Variants in PTPRD observed in about 807,000 individuals in gnomAD.
PTPRD encodes receptor-type tyrosine-protein phosphatase delta.
A neutral mutation model predicts 214.5 loss-of-function variants in PTPRD; 34 were observed. That is an observed-to-expected ratio of 0.16 (90% CI 0.12 to 0.21). The LOEUF (loss-of-function observed/expected upper bound fraction) is 0.21. PTPRD is among the 10% of genes least tolerant of loss of function. PTPRD has a pLI of 1.00. For synonymous variants in PTPRD, 1,128 were observed against 845.7 expected (o/e 1.33, Z -5.79); for missense variants, 2,545 against 2,398.7 (o/e 1.06, Z -1.27).
intron 2 of PTPRD, among the ~76,000 whole-genome samples, chr9:10,347,756 C>A (rs1472522403): frequency 6.6e-6 from 1 of 151,748 alleles, no homozygotes; most frequent in East Asian, 2.0e-4. Flanking sequence ...TATTTGCTAG[C>A]TATTTTGAAA....
At chr9:9,092,737 T>C (rs554239371) in intron 10 of PTPRD, among the ~76,000 whole-genome samples, 64 of 152,164 alleles carry the variant, frequency 4.2e-4, no homozygotes, top group African/African-American at 1.3e-3. Flanking sequence ...AAACATCTAT[T>C]GTGTTCATGT....
chr9:9,555,424 CCCTG>C (rs1488943276), intron 8 of PTPRD, among the ~76,000 whole-genome samples: 2 of 151,966 alleles, frequency 1.3e-5, no homozygotes, highest in African/African-American at 4.8e-5. Flanking sequence ...GTATAAATAA[CCCTG>C]TAGAGTGATT....
At chr9:10,432,339 T>C (rs2098688141) in intron 2 of PTPRD, among the ~76,000 whole-genome samples, 1 of 148,724 alleles carries the variant, frequency 6.7e-6, no homozygotes, top group South Asian at 2.2e-4. Flanking sequence ...TAATGCTAGA[T>C]GACGATTTAG....
rs537378851 is a variant in PTPRD, at chr9:9,478,156, G to C, written c.-236-80674C>G. On this transcript the variant is annotated intron_variant, in intron 8 of 45. Transcript: ENST00000381196. ...GGCCTTGTTACAGTTTTAGCAATAA[G>C]TAAACTGCCCTGTTAATAACTTGAA... Among the ~76,000 whole-genome samples, 5 of 152,198 alleles carry C rather than the reference G, an allele frequency of 3.3e-5. No homozygotes were observed. The South Asian group carries it at 1.0e-3, about 32-fold the overall frequency.
intron 3 of PTPRD, among the ~76,000 whole-genome samples, chr9:10,165,158 A>G (rs2099151574): frequency 6.6e-6 from 1 of 151,732 alleles, no homozygotes; most frequent in South Asian, 2.1e-4. Context: ...CCTAACCTAT[A>G]GGCTTTATTT....
intron 11 of PTPRD, among the ~76,000 whole-genome samples, chr9:8,948,545 A>T (rs1380038561): frequency 3.5e-5 from 3 of 85,188 alleles, no homozygotes; most frequent in African/African-American, 9.5e-5. Flanking sequence ...ATATATATTT[A>T]TATATATTTA....
intron 11 of PTPRD, among the ~76,000 whole-genome samples, chr9:8,840,272 G>A (rs888088611): frequency 3.3e-5 from 5 of 152,136 alleles, no homozygotes; most frequent in African/African-American, 1.2e-4. Context: ...ATCGAATCAT[G>A]AGGGCAGGTT....
intron 2 of PTPRD, among the ~76,000 whole-genome samples, chr9:10,564,969 C>A (rs2065164744): frequency 6.6e-6 from 1 of 152,056 alleles, no homozygotes; most frequent in African/African-American, 2.4e-5. Context: ...TGAAGTCCAA[C>A]AATGATGGCT....
At chr9:9,881,043 C>T (rs1180786471) in intron 5 of PTPRD, among the ~76,000 whole-genome samples, 8 of 152,002 alleles carry the variant, frequency 5.3e-5, no homozygotes, top group African/African-American at 7.2e-5. Flanking sequence ...AGTTAAAGTA[C>T]GAGAATGTCT....
chr9:8,495,902 T>A (rs527494823), intron 26 of PTPRD, among the ~76,000 whole-genome samples: 40 of 152,216 alleles, frequency 2.6e-4, no homozygotes, highest in Non-Finnish European at 2.8e-4. Context: ...AACTCATTTT[T>A]CTTTTTATTT....
intron 12 of PTPRD, among the ~76,000 whole-genome samples, chr9:8,699,211 G>A (rs371702881): frequency 3.3e-5 from 5 of 152,082 alleles, no homozygotes; most frequent in African/African-American, 1.2e-4. Context: ...AAATCTATCA[G>A]TTCAACTCTT....
chr9:8,721,716 T>C (rs2098500970), intron 12 of PTPRD, among the ~76,000 whole-genome samples: 2 of 152,186 alleles, frequency 1.3e-5, no homozygotes, highest in South Asian at 4.1e-4. Context: ...CAACAAAAAC[T>C]GAGACATAAA....
At position 10,402,711 on chromosome 9, in the gene PTPRD, C is replaced by T. The variant is rs904103229; in HGVS notation, c.-599-61694G>A. On this transcript the variant is annotated intron_variant, in intron 2 of 45. Coordinates refer to ENST00000381196, the MANE Select transcript of PTPRD (RefSeq NM_002839.4). ...AGCTTGACTAAATCATTTTTCCCAG[C>T]CTAATTTTGTCTATCTCTGACAGAT... is the stretch of plus-strand genomic sequence containing the variant. Among the ~76,000 whole-genome samples, 7 of 151,594 alleles carry T rather than the reference C, an allele frequency of 4.6e-5. No individual in the cohort carries two copies. The Admixed American group carries it at 4.6e-4, about 10-fold the overall frequency.
chr9:9,484,196 G>T (rs750890070), intron 8 of PTPRD, among the ~76,000 whole-genome samples: 31 of 150,242 alleles, frequency 2.1e-4, no homozygotes, highest in Admixed American at 1.1e-3. Flanking sequence ...GTATATAATA[G>T]AATACTATAC....
At chr9:9,069,584 G>C (rs1569526090) in intron 10 of PTPRD, among the ~76,000 whole-genome samples, 1 of 152,174 alleles carries the variant, frequency 6.6e-6, no homozygotes, top group Non-Finnish European at 1.5e-5. Context: ...CTCCAGCCTT[G>C]TATTGAGGCC....
chr9:10,233,636 T>C (rs1248931191), intron 3 of PTPRD, among the ~76,000 whole-genome samples: 1 of 152,004 alleles, frequency 6.6e-6, no homozygotes, highest in African/African-American at 2.4e-5. Context: ...ATCATGCTAC[T>C]TGTAAAATCT....
chr9:10,404,511 T>C (rs1267884639), intron 2 of PTPRD, among the ~76,000 whole-genome samples: 2 of 151,758 alleles, frequency 1.3e-5, no homozygotes, highest in Non-Finnish European at 2.9e-5. Flanking sequence ...TAGATAATCA[T>C]AGTACACAAA....
chr9:9,701,964 C>CA, intron 7 of PTPRD, among the ~76,000 whole-genome samples: 1 of 152,044 alleles, frequency 6.6e-6, no homozygotes, highest in South Asian at 2.1e-4. Flanking sequence ...ACTAAAAATA[C>CA]AAAAATTAGC....
At chr9:9,567,990 C>T (rs539398694) in intron 8 of PTPRD, among the ~76,000 whole-genome samples, 1 of 151,700 alleles carries the variant, frequency 6.6e-6, no homozygotes, top group South Asian at 2.1e-4. Flanking sequence ...GATATGTAAC[C>T]TATAATTACG....
Sources: gnomAD v4.1 joint callset for allele counts (sites outside exome capture counted in the v4.1 genomes callset) on GRCh38, gnomAD v4.1.1 for gene constraint, MANE v1.5 for transcripts, NCBI Gene and HGNC (gene_info 2026-07-23, HGNC 2026-07-21) for gene names.